MIA2: variants seen among roughly 807,000 people sequenced by gnomAD.
MIA2 encodes the protein melanoma inhibitory activity protein 2.
Under a neutral mutation model 167.8 loss-of-function variants are expected in MIA2, and 127 were observed. The ratio of observed to expected loss-of-function variants is 0.76; its 90% CI spans 0.66 to 0.88. The LOEUF (loss-of-function observed/expected upper bound fraction) is 0.88. MIA2 is among the 40% of genes least tolerant of loss of function. The pLI, the probability that MIA2 is intolerant of heterozygous loss-of-function variation, is 0.00. For missense variants in MIA2, 1,690 were observed against 1,624.7 expected (o/e 1.04, Z -0.69); for synonymous variants, 552 against 541.9 (o/e 1.02, Z -0.26).
chr14:39,266,089 A>C (rs2055584061), intron 6 of MIA2: 5 of 985,444 alleles, frequency 5.1e-6, no homozygotes, highest in Non-Finnish European at 6.0e-6. Flanking sequence ...TCGTTGCTAC[A>C]AGAGGTTACA....
intron 6 of MIA2, chr14:39,269,081 T>TTTTTTTTTC: frequency 1.2e-6 from 1 of 809,784 alleles, no homozygotes; most frequent in Non-Finnish European, 1.4e-6. Flanking sequence ...ACAGTTTTTT[T>TTTTTTTTTC]TTTTTTTTTT....
chr14:39,270,277 C>T (rs61998552), intron 6 of MIA2, among the ~76,000 whole-genome samples: 1 of 146,476 alleles, frequency 6.8e-6, no homozygotes, highest in African/African-American at 2.5e-5. Flanking sequence ...TCTCGGCTCA[C>T]TGCAGCCTCC....
intron 7 of MIA2, among the ~76,000 whole-genome samples, chr14:39,277,670 T>A (rs1489796668): frequency 9.4e-5 from 5 of 52,972 alleles, no homozygotes; most frequent in African/African-American, 3.0e-4. Context: ...ATGTAAGATC[T>A]TTTATATATA....
chr14:39,371,516 T>C (rs1218167523), intron 23 of MIA2, among the ~76,000 whole-genome samples: 1 of 152,214 alleles, frequency 6.6e-6, no homozygotes, highest in Non-Finnish European at 1.5e-5. Context: ...GAGAATCCAG[T>C]GTTATAATCA....
intron 22 of MIA2, 68 bp from the exon 23 acceptor site, chr14:39,319,141 A>G: frequency 1.3e-6 from 1 of 773,764 alleles, no homozygotes; most frequent in Non-Finnish European, 2.1e-6. Flanking sequence ...TGTAGTTGGT[A>G]GAGGCATTTT....
chr14:39,342,840 CTAA>C (rs1212861281), intron 25 of MIA2, among the ~76,000 whole-genome samples: 1 of 152,138 alleles, frequency 6.6e-6, no homozygotes, highest in Non-Finnish European at 1.5e-5. Flanking sequence ...ACTTTCAGTT[CTAA>C]TAATGATTAA....
intron 27 of MIA2, 70 bp downstream of exon 27, chr14:39,347,841 T>TTTTTG: frequency 9.0e-7 from 1 of 1,105,356 alleles, no homozygotes; most frequent in Admixed American, 2.9e-5. Context: ...TTTTTTTTTT[T>TTTTTG]ATGGAGTTTC....
chr14:39,268,290 G>A (rs564928294), intron 6 of MIA2, among the ~76,000 whole-genome samples: 3 of 152,080 alleles, frequency 2.0e-5, no homozygotes, highest in Non-Finnish European at 4.4e-5. Flanking sequence ...CTTGTTAGGT[G>A]AATTAAAGGT....
chr14:39,276,078 A>G (rs1356717665), intron 6 of MIA2: 2 of 152,246 alleles, frequency 1.3e-5, no homozygotes, highest in African/African-American at 4.8e-5. Flanking sequence ...TGTTCTTAAA[A>G]TGGCATTTTT....
At chr14:39,308,997 C>A (rs1299064908) in intron 18 of MIA2, among the ~76,000 whole-genome samples, 1 of 152,154 alleles carries the variant, frequency 6.6e-6, no homozygotes, top group Non-Finnish European at 1.5e-5. Context: ...TGGCAGTGTC[C>A]TTTACTTAGT....
In MIA2 at chr14:39,279,430, A is replaced by G. The variant is rs1566694806; in HGVS notation, c.2042-19A>G. 1.2e-6 allele frequency: 2 copies of G among 1,603,488 alleles called. No homozygotes were observed. The highest frequency in any genetic ancestry group is 1.7e-4 in the Middle Eastern group (1 of 5,884). ...CTTATAATAATTTACTCATGGTAAT[A>G]TTGACTTGACTTTTTTAGGACGAGA... On this transcript the variant is annotated intron_variant, in intron 8 of 28. Coordinates refer to ENST00000640607, the MANE Select transcript of MIA2 (RefSeq NM_001329214.4).
At chr14:39,339,206 G>A (rs752657316) in intron 25 of MIA2, among the ~76,000 whole-genome samples, 3 of 152,168 alleles carry the variant, frequency 2.0e-5, no homozygotes, top group Admixed American at 6.5e-5. Flanking sequence ...GGTAATGCTC[G>A]CTTGCCCTCC....
chr14:39,362,881 T>C (rs1232321300), intron 23 of MIA2, among the ~76,000 whole-genome samples: 1 of 152,220 alleles, frequency 6.6e-6, no homozygotes, highest in African/African-American at 2.4e-5. Flanking sequence ...GTGTTTGTGT[T>C]TTCACTTGTT....
chr14:39,361,933 G>A (rs1425262417), intron 23 of MIA2, among the ~76,000 whole-genome samples: 2 of 151,902 alleles, frequency 1.3e-5, no homozygotes, highest in Admixed American at 6.6e-5. Flanking sequence ...TTTTATCTTC[G>A]TCTATTGAGA....
chr14:39,300,941 TAC>T (rs1555378293), intron 14 of MIA2, among the ~76,000 whole-genome samples: 2 of 141,120 alleles, frequency 1.4e-5, no homozygotes, highest in Non-Finnish European at 3.0e-5. Flanking sequence ...CACACATATA[TAC>T]ATATATACAC....
intron 23 of MIA2, among the ~76,000 whole-genome samples, chr14:39,363,681 T>C (rs1281597083): frequency 6.6e-6 from 1 of 152,254 alleles, no homozygotes; most frequent in Non-Finnish European, 1.5e-5. Flanking sequence ...CAGATATTTC[T>C]TCTAGGTGCT....
At chr14:39,281,910 C>T (rs562486415) in intron 9 of MIA2, among the ~76,000 whole-genome samples, 3 of 152,230 alleles carry the variant, frequency 2.0e-5, no homozygotes, top group African/African-American at 7.2e-5. Context: ...TGTGAGCCAC[C>T]ATGCCTGGCC....
Position 39,247,020 on chromosome 14 carries a change from A to G in MIA2, c.446A>G (p.Asp149Gly), listed in dbSNP as rs1277162993. Residue 149 changes from aspartate to glycine, a missense_variant, in exon 4 of 29, where the codon GAT (aspartate) becomes GGT (glycine). Transcript: ENST00000640607. ...ATATATCCTTATGAAGAAGATAAAG[A>G]TGAAAAATCTAGTATATATGAAAGT... The part of the protein sequence containing the change: ...ENIYPYEEDK[D>G]EKSSIYESDF... 1 of 1,592,240 alleles carries G rather than the reference A, an allele frequency of 6.3e-7. No individual in the cohort carries two copies. The highest frequency in any genetic ancestry group is 1.4e-5 in the African/African-American group (1 of 73,502).
intron 17 of MIA2, among the ~76,000 whole-genome samples, chr14:39,307,331 C>A (rs2063502660): frequency 6.7e-6 from 1 of 149,782 alleles, no homozygotes; most frequent in Admixed American, 6.7e-5. Flanking sequence ...AAATTAGATG[C>A]TAGAATTAGA....
Sources: allele counts gnomAD v4.1 joint callset (sites outside exome capture counted in the v4.1 genomes callset), GRCh38; gene constraint gnomAD v4.1.1; transcripts MANE v1.5; gene names NCBI Gene and HGNC (gene_info 2026-07-23, HGNC 2026-07-21).